CD5L: variants seen among roughly 807,000 people sequenced by gnomAD.
CD5L encodes the protein CD5 molecule like.
Under a neutral mutation model 40.8 loss-of-function variants are expected in CD5L, and 39 were observed. The ratio of observed to expected loss-of-function variants is 0.96; its 90% CI spans 0.74 to 1.25. CD5L has a LOEUF of 1.25. Among genes scored for constraint, CD5L ranks in the 50% most tolerant of loss-of-function variants. CD5L has a pLI of 0.00. For missense variants in CD5L, 433 were observed against 435.9 expected, an observed-to-expected ratio of 0.99 and a Z score of 0.06; for synonymous variants, 192 against 169.6, an observed-to-expected ratio of 1.13 and a Z score of -1.03.
chr1:157,834,644 T>C lies in CD5L; in HGVS notation c.481A>G (p.Thr161Ala), dbSNP rs1420432732. 6 of 1,614,064 alleles carry C rather than the reference T, an allele frequency of 3.7e-6. No homozygotes were observed. The East Asian group carries it at 1.3e-4, about 36-fold the overall frequency. ...VEVKHQNQWYTVCQTGWSLRA... is the reference protein window; with the variant it reads ...VEVKHQNQWYAVCQTGWSLRA... ...AGGCTCCAGCCTGTCTGGCACACGG[T>C]ATACCACTGGTTCTGGTGCTTCACT... Residue 161 changes from threonine to alanine, a missense_variant, in exon 4 of 6, where the codon ACC becomes GCC. By Grantham distance (58) the Thr-to-Ala change is moderately conservative (BLOSUM62 0). Transcript: ENST00000368174.
chr1:157,836,921 T>C (rs1656233726), intron 2 of CD5L, among the ~76,000 whole-genome samples: 1 of 152,104 alleles, frequency 6.6e-6, no homozygotes, highest in Non-Finnish European at 1.5e-5. Context: ...GTGAGAAATC[T>C]AGGACTTGAT....
At chr1:157,832,306 T>A (rs1173099512) in intron 5 of CD5L, among the ~76,000 whole-genome samples, 1 of 152,220 alleles carries the variant, frequency 6.6e-6, no homozygotes, top group African/African-American at 2.4e-5. Flanking sequence ...GTGACTAACA[T>A]TACACAGCTT....
At chr1:157,838,720 T>G (rs958091819) in intron 2 of CD5L, among the ~76,000 whole-genome samples, 1 of 152,126 alleles carries the variant, frequency 6.6e-6, no homozygotes, top group African/African-American at 2.4e-5. Flanking sequence ...TATCAGGGTA[T>G]AGGATTCTCC....
chr1:157,828,978 C>T (rs1043471446), downstream of CD5L, among the ~76,000 whole-genome samples: 5 of 152,200 alleles, frequency 3.3e-5, no homozygotes, highest in African/African-American at 1.2e-4. Context: ...ATTATCTCCA[C>T]ATGGAGATCT....
chr1:157,838,174 T>C (rs2101940348), intron 2 of CD5L, among the ~76,000 whole-genome samples: 1 of 152,170 alleles, frequency 6.6e-6, no homozygotes, highest in Admixed American at 6.5e-5. Context: ...TGGGAAAAAA[T>C]ATAAAAATGG....
At chr1:157,837,287 G>T (rs944057086) in intron 2 of CD5L, among the ~76,000 whole-genome samples, 9 of 152,038 alleles carry the variant, frequency 5.9e-5, no homozygotes, top group African/African-American at 2.2e-4. Flanking sequence ...TGCAAGGAGA[G>T]TGGAGATGGC....
chr1:157,833,379 T>C lies in CD5L; in HGVS notation c.852A>G (p.Gln284=). Residue 284 remains glutamine (Q), a synonymous_variant, in exon 5 of 6, where the codon CAA becomes CAG. Coordinates refer to ENST00000368174, the MANE Select transcript of CD5L (RefSeq NM_005894.3). The part of the protein sequence containing the change: ...GEKEDQVVCK[Q]LGCGKSLSPS... ...GAGAGAGGGACTTCCCACAGCCCAG[T>C]TGCTTGCATACCACCTGGTCCTCCT... The C allele has an allele frequency of 3.1e-6, 5 of 1,614,090 alleles. No homozygotes were observed. The highest frequency in any genetic ancestry group is 4.2e-6 in the Non-Finnish European group (5 of 1,180,010).
chr1:157,837,497 AT>A (rs1190339199), intron 2 of CD5L, among the ~76,000 whole-genome samples: 1 of 152,240 alleles, frequency 6.6e-6, no homozygotes, highest in Non-Finnish European at 1.5e-5. Context: ...TGAATTTGCC[AT>A]GCTTACATGG....
chr1:157,829,732 G>T (rs1314464453), downstream of CD5L, among the ~76,000 whole-genome samples: 2 of 151,954 alleles, frequency 1.3e-5, no homozygotes, highest in South Asian at 2.1e-4. Flanking sequence ...ATATTATCTG[G>T]GGTTCTTTTG....
At chr1:157,836,268 G>A in intron 2 of CD5L, 113 bp from the exon 3 acceptor site, 2 of 849,774 alleles carry the variant, frequency 2.4e-6, no homozygotes, top group Non-Finnish European at 3.6e-6. Flanking sequence ...AGAGTGTTGG[G>A]GAACTAGAAA....
chr1:157,836,148 T>A lies in CD5L; in HGVS notation c.63A>T (p.Pro21=). The change falls in exon 3 of 6, where the codon CCA becomes CCT. Residue 21 remains proline, a synonymous_variant. Coordinates refer to ENST00000368174, the MANE Select transcript of CD5L (RefSeq NM_005894.3). ...GGCCCCCCACCAGCCGCACTCCAGA[T>A]GGAGACGCTGCAAAGAGACGGGTTG... ...ICTRPGFLAS[P]SGVRLVGGLH... is the part of the protein sequence containing the mutation. 2 of 1,611,130 alleles carry A rather than the reference T, an allele frequency of 1.2e-6. No homozygotes were observed. The highest frequency in any genetic ancestry group is 1.7e-6 in the Non-Finnish European group (2 of 1,178,336).
At chr1:157,837,487 T>C (rs1473045565) in intron 2 of CD5L, among the ~76,000 whole-genome samples, 1 of 152,182 alleles carries the variant, frequency 6.6e-6, no homozygotes, top group Non-Finnish European at 1.5e-5. Context: ...TAGCAGAGGC[T>C]GAATTTGCCA....
rs779852157 is a variant in CD5L, at chr1:157,834,391, G to A, written c.718+16C>T. The A allele has an allele frequency of 1.3e-6, 2 of 1,592,190 alleles. No individual in the cohort carries two copies. The highest frequency in any genetic ancestry group is 1.7e-6 in the Non-Finnish European group (2 of 1,164,312). Reference sequence around the variant, plus strand: ...AATCCATGAATAAACCTAGTCTTTGGACGCACAGGCATTACCTTCACATTC... The same window carrying A: ...AATCCATGAATAAACCTAGTCTTTGAACGCACAGGCATTACCTTCACATTC... On this transcript the variant is annotated intron_variant, in intron 4 of 5. Coordinates refer to ENST00000368174, the MANE Select transcript of CD5L (RefSeq NM_005894.3).
chr1:157,833,095 G>T, intron 5 of CD5L, 97 bp downstream of exon 5: 2 of 985,324 alleles, frequency 2.0e-6, no homozygotes, highest in Non-Finnish European at 3.1e-6. Context: ...CATGGCGCTT[G>T]TGAAAATACC....
chr1:157,831,239 G>A lies in CD5L; in HGVS notation c.*725C>T, dbSNP rs1656039319. The A allele has an allele frequency of 3.0e-6, 3 of 984,908 alleles. No homozygotes were observed. The highest frequency in any genetic ancestry group is 6.2e-5 in the Admixed American group (1 of 16,250). 61.0% of individuals were successfully genotyped at this position (984,908 alleles called of 1,614,324 possible). ...ATTTTTGACATTCCTCTCATTAAAT[G>A]TCAACCATGTTGGCAGGTTGTATAG... On this transcript the variant is annotated 3_prime_UTR_variant, in exon 6 of 6. Coordinates refer to ENST00000368174, the MANE Select transcript of CD5L (RefSeq NM_005894.3).
intron 2 of CD5L, among the ~76,000 whole-genome samples, chr1:157,836,877 A>C (rs917005236): frequency 6.6e-6 from 1 of 152,210 alleles, no homozygotes; most frequent in Non-Finnish European, 1.5e-5. Context: ...GACTAGAAGC[A>C]TAAGAGAGGA....
intron 5 of CD5L, among the ~76,000 whole-genome samples, chr1:157,832,550 A>G (rs1557939547): frequency 6.6e-6 from 1 of 152,304 alleles, no homozygotes. Flanking sequence ...AAATTGGGAA[A>G]GGGCTTCTTC....
intron 4 of CD5L, 133 bp downstream of exon 4, chr1:157,834,274 A>T: frequency 2.8e-6 from 2 of 725,168 alleles, no homozygotes; most frequent in Non-Finnish European, 2.2e-6. Context: ...CAAAGGAATT[A>T]ATTATCTGCC....
In CD5L at chr1:157,835,988, T is replaced by C; in HGVS notation, c.223A>G (p.Ser75Gly). The change falls in exon 3 of 6, where the codon AGT becomes GGT. Residue 75 changes from serine to glycine, a missense_variant. By Grantham distance (56) the Ser-to-Gly change is moderately conservative. Transcript: ENST00000368174. ...LGCGAASGTP[S>G]GILYEPPAEK... ...GCTGGTGGCTCATACAAAATACCAC[T>C]AGGGGTTCCGCTGGCAGCTCCACAG... is the stretch of plus-strand genomic sequence containing the variant. 1 of 1,614,182 alleles carries C rather than the reference T, an allele frequency of 6.2e-7. No homozygotes were observed.
Sources: gnomAD v4.1 joint callset for allele counts (sites outside exome capture counted in the v4.1 genomes callset) on GRCh38, gnomAD v4.1.1 for gene constraint, MANE v1.5 for transcripts, NCBI Gene and HGNC (gene_info 2026-07-23, HGNC 2026-07-21) for gene names.